Variants in LRP1B observed in about 807,000 individuals in gnomAD.
LRP1B encodes low-density lipoprotein receptor-related protein 1B.
LRP1B carries 217 observed loss-of-function variants against 556.6 expected under a neutral mutation model. The observed-to-expected ratio is 0.39, with a 90% CI of 0.35 to 0.44. LRP1B has a LOEUF of 0.44. Among genes scored for constraint, LRP1B ranks in the 20% least tolerant of loss-of-function variants. The pLI, the probability that LRP1B is intolerant of heterozygous loss-of-function variation, is 1.00. For missense variants in LRP1B, 5,053 were observed against 5,620.8 expected (o/e 0.90, Z 3.23); for synonymous variants, 2,047 against 1,865.8 (o/e 1.10, Z -2.50).
At chr2:140,649,793 T>C (rs1218942707) in intron 41 of LRP1B, among the ~76,000 whole-genome samples, 2 of 152,222 alleles carry the variant, frequency 1.3e-5, no homozygotes, top group Non-Finnish European at 2.9e-5. Context: ...TATGTATTTA[T>C]CTCTCAACCA....
intron 43 of LRP1B, among the ~76,000 whole-genome samples, chr2:140,590,402 G>A: frequency 6.6e-6 from 1 of 151,060 alleles, no homozygotes; most frequent in East Asian, 1.9e-4. Context: ...AGTGGCTATG[G>A]ACTGAACTGT....
chr2:141,672,666 G>C (rs1276643769), intron 2 of LRP1B, among the ~76,000 whole-genome samples: 1 of 152,130 alleles, frequency 6.6e-6, no homozygotes, highest in Non-Finnish European at 1.5e-5. Flanking sequence ...AGCTTAACCT[G>C]TGGAATGACT....
intron 7 of LRP1B, among the ~76,000 whole-genome samples, chr2:141,084,806 C>T (rs555378590): frequency 3.9e-5 from 6 of 152,136 alleles, no homozygotes; most frequent in South Asian, 2.1e-4. Flanking sequence ...CCCATCACCA[C>T]GCCCGGCTAA....
At chr2:141,160,945 T>A (rs1680001747) in intron 7 of LRP1B, among the ~76,000 whole-genome samples, 1 of 151,984 alleles carries the variant, frequency 6.6e-6, no homozygotes, top group Non-Finnish European at 1.5e-5. Flanking sequence ...ATTGAGCCAA[T>A]AAAAATTTCC....
intron 2 of LRP1B, among the ~76,000 whole-genome samples, chr2:141,578,825 GC>G (rs148554279): frequency 0.014 from 2,066 of 152,178 alleles, 43 homozygotes; most frequent in African/African-American, 0.047. Context: ...CTGCGTATGT[GC>G]AAAATTACCC....
chr2:141,491,614 A>G (rs746258795), intron 2 of LRP1B, among the ~76,000 whole-genome samples: 43 of 151,940 alleles, frequency 2.8e-4, no homozygotes, highest in Non-Finnish European at 4.0e-4. Flanking sequence ...GTCTGACAGG[A>G]AAAGACAAGC....
At chr2:140,734,151 T>C (rs1687870029) in intron 35 of LRP1B, among the ~76,000 whole-genome samples, 2 of 152,214 alleles carry the variant, frequency 1.3e-5, no homozygotes, top group African/African-American at 4.8e-5. Context: ...TTTCCTATCA[T>C]AGTGAACACA....
chr2:141,318,045 A>T (rs1178860219), intron 3 of LRP1B, among the ~76,000 whole-genome samples: 1 of 152,174 alleles, frequency 6.6e-6, no homozygotes, highest in East Asian at 1.9e-4. Context: ...CAACAAAAAA[A>T]CAAAAACACC....
rs1686557778 is a variant in LRP1B, at chr2:141,305,626, T to C, written c.344-50985A>G. 1.3e-5 allele frequency among the ~76,000 whole-genome samples: 2 copies of C among 152,186 alleles called. 1 individual carries two copies. The highest frequency in any genetic ancestry group is 4.1e-4 in the South Asian group (2 of 4,832). On this transcript the variant is annotated intron_variant, in intron 3 of 90. Coordinates refer to ENST00000389484, the MANE Select transcript of LRP1B (RefSeq NM_018557.3). ...CCTTGCTAGGACTTCCAGTAGTATG[T>C]CGAATAACAGTGGTGAACGTGGACA... is the stretch of plus-strand genomic sequence containing the variant.
At chr2:141,605,036 G>T (rs1163042331) in intron 2 of LRP1B, among the ~76,000 whole-genome samples, 1 of 152,008 alleles carries the variant, frequency 6.6e-6, no homozygotes, top group Non-Finnish European at 1.5e-5. Flanking sequence ...CGGCACGTAA[G>T]GTGGCCCGGG....
intron 11 of LRP1B, among the ~76,000 whole-genome samples, chr2:141,026,557 G>A (rs1006529268): frequency 3.3e-5 from 5 of 152,038 alleles, no homozygotes; most frequent in Non-Finnish European, 7.4e-5. Context: ...TACTCCTGGA[G>A]ATAACCAGGC....
At chr2:140,688,194 T>C (rs1020332918) in intron 41 of LRP1B, among the ~76,000 whole-genome samples, 15 of 152,096 alleles carry the variant, frequency 9.9e-5, no homozygotes, top group Non-Finnish European at 1.8e-4. Context: ...TCATAGCAAC[T>C]AATTATGACA....
chr2:141,143,414 C>T (rs1311330635), intron 7 of LRP1B, among the ~76,000 whole-genome samples: 1 of 152,128 alleles, frequency 6.6e-6, no homozygotes. Flanking sequence ...TTTGATTTCT[C>T]TTTGCCTAGT....
At chr2:141,765,893 G>T (rs1694717844) in intron 2 of LRP1B, among the ~76,000 whole-genome samples, 1 of 152,038 alleles carries the variant, frequency 6.6e-6, no homozygotes, top group African/African-American at 2.4e-5. Flanking sequence ...AAACTCTGGG[G>T]TTAGGGTCCA....
chr2:141,811,132 T>C (rs1380149761), intron 1 of LRP1B, among the ~76,000 whole-genome samples: 1 of 152,096 alleles, frequency 6.6e-6, no homozygotes, highest in Non-Finnish European at 1.5e-5. Context: ...CAGATGTTTG[T>C]TTTCCACAGC....
At chr2:140,257,191 G>A (rs1681732319) in intron 86 of LRP1B, among the ~76,000 whole-genome samples, 1 of 152,052 alleles carries the variant, frequency 6.6e-6, no homozygotes, top group Non-Finnish European at 1.5e-5. Context: ...TAGTTTTATT[G>A]ACTTGTTTAA....
intron 1 of LRP1B, among the ~76,000 whole-genome samples, chr2:141,948,598 GA>G (rs942035022): frequency 4.0e-5 from 6 of 151,596 alleles, no homozygotes; most frequent in African/African-American, 7.3e-5. Context: ...GAAAATAATA[GA>G]AAAAAATGTG....
At chr2:140,243,316 TAATC>T (rs1681028391) in intron 87 of LRP1B, among the ~76,000 whole-genome samples, 1 of 150,838 alleles carries the variant, frequency 6.6e-6, no homozygotes, top group Admixed American at 6.6e-5. Flanking sequence ...ACAGGTAAAT[TAATC>T]AAGCAGAATA....
chr2:141,698,997 ATTTG>A (rs1691839327), intron 2 of LRP1B, among the ~76,000 whole-genome samples: 3 of 151,890 alleles, frequency 2.0e-5, no homozygotes, highest in African/African-American at 7.2e-5. Flanking sequence ...AGCTACTCTT[ATTTG>A]AAGACAGCAG....
Sources: allele counts gnomAD v4.1 joint callset (sites outside exome capture counted in the v4.1 genomes callset), GRCh38; gene constraint gnomAD v4.1.1; transcripts MANE v1.5; gene names NCBI Gene and HGNC (gene_info 2026-07-23, HGNC 2026-07-21).